Variants in FARP1 observed in about 807,000 individuals in gnomAD.
FARP1 encodes FERM, ARHGEF and pleckstrin domain-containing protein 1.
Under a neutral mutation model 128.8 loss-of-function variants are expected in FARP1, and 52 were observed. The observed-to-expected ratio is 0.40, with a 90% CI of 0.32 to 0.51. The LOEUF is 0.51. Ranked by LOEUF, FARP1 falls within the 20% of genes least tolerant of loss-of-function variation. FARP1 has a pLI of 0.45. For synonymous variants in FARP1, 580 were observed against 551.8 expected (o/e 1.05, Z -0.72); for missense variants, 1,333 against 1,367.9 (o/e 0.97, Z 0.40).
chr13:98,160,363 T>A (rs946074762), intron 1 of FARP1, among the ~76,000 whole-genome samples: 14 of 152,200 alleles, frequency 9.2e-5, no homozygotes, highest in African/African-American at 3.4e-4. Flanking sequence ...GCATTGCTAC[T>A]GGATGACTTG....
At chr13:98,244,549 T>G in intron 2 of FARP1, 3 of 1,614,194 alleles carry the variant, frequency 1.9e-6, no homozygotes, top group Admixed American at 1.7e-5. Flanking sequence ...GGTTGGGTAC[T>G]GAGATGCTCC....
chr13:98,433,115 A>G (rs1199213890), intron 18 of FARP1: 9 of 152,340 alleles, frequency 5.9e-5, no homozygotes, highest in Admixed American at 5.9e-4. Flanking sequence ...CGTGCAGGGC[A>G]CAGGGAGAGC....
chr13:98,224,969 G>T (rs963896334), intron 2 of FARP1, among the ~76,000 whole-genome samples: 2 of 152,180 alleles, frequency 1.3e-5, no homozygotes, highest in Admixed American at 6.5e-5. Flanking sequence ...GCTTCACATG[G>T]CAGGCATCAA....
At chr13:98,275,265 T>C (rs1279012350) in intron 2 of FARP1, among the ~76,000 whole-genome samples, 2 of 151,816 alleles carry the variant, frequency 1.3e-5, no homozygotes, top group African/African-American at 4.8e-5. Context: ...CACACTGAGC[T>C]ATTTATGCAT....
In FARP1 at chr13:98,440,832, T is replaced by G. The variant is rs1453702427; in HGVS notation, c.2792T>G (p.Val931Gly). ...SVSMVDFSIAVENQLSGNLLR... is the reference protein window; with the variant it reads ...SVSMVDFSIAGENQLSGNLLR... ...TCCATGGTGGACTTCAGCATCGCAG[T>G]GGAGGTACGCAGGGGCAGGGCAGCT... Residue 931 changes from valine (V) to glycine (G), a missense_variant, in exon 24 of 27, where the codon GTG becomes GGG. This residue lies in a region of FARP1 where 1,009 missense variants were observed against 969.8 expected (regional missense o/e 1.04). Coordinates refer to ENST00000319562, the MANE Select transcript of FARP1 (RefSeq NM_005766.4). The G allele has an allele frequency of 1.2e-6, 2 of 1,603,184 alleles. No individual in the cohort carries two copies. The highest frequency in any genetic ancestry group is 2.2e-5 in the South Asian group (2 of 89,782).
chr13:98,177,217 G>T, intron 1 of FARP1: 1 of 1,563,858 alleles, frequency 6.4e-7, no homozygotes. Context: ...CGTCCTTCCT[G>T]GAGAAGGTGG....
intron 2 of FARP1, among the ~76,000 whole-genome samples, chr13:98,217,455 C>T (rs375982955): frequency 6.6e-6 from 1 of 152,206 alleles, no homozygotes; most frequent in Non-Finnish European, 1.5e-5. Flanking sequence ...GCGTCTACGA[C>T]CGTCGTCGCA....
In FARP1 at chr13:98,446,779, C is replaced by T; in HGVS notation, c.3018C>T (p.Val1006=). 1 of 1,614,208 alleles carries T rather than the reference C, an allele frequency of 6.2e-7. No individual in the cohort carries two copies. The highest frequency in any genetic ancestry group is 8.5e-7 in the Non-Finnish European group (1 of 1,180,030). The part of the protein sequence containing the change: ...YVFKLHFKSH[V]YYFRAESEYT... Reference sequence around the variant, plus strand: ...TCAAGCTGCACTTCAAGTCCCACGTCTACTACTTCAGGGCGGAAAGCGAGT... The same window carrying T: ...TCAAGCTGCACTTCAAGTCCCACGTTTACTACTTCAGGGCGGAAAGCGAGT... The change falls in exon 26 of 27, where the codon GTC becomes GTT. Residue 1006 remains valine, a synonymous_variant. Coordinates refer to ENST00000319562, the MANE Select transcript of FARP1 (RefSeq NM_005766.4).
chr13:98,342,054 ATTGG>A (rs1887996151), intron 2 of FARP1, among the ~76,000 whole-genome samples: 1 of 152,198 alleles, frequency 6.6e-6, no homozygotes, highest in Non-Finnish European at 1.5e-5. Context: ...TTTCCACAAA[ATTGG>A]TTGGTCTTTA....
intron 2 of FARP1, among the ~76,000 whole-genome samples, chr13:98,242,260 G>A (rs935981102): frequency 1.3e-5 from 2 of 152,150 alleles, no homozygotes; most frequent in Admixed American, 1.3e-4. Context: ...GGGACCGTTA[G>A]TGTTTACTAC....
intron 1 of FARP1, among the ~76,000 whole-genome samples, chr13:98,152,210 G>C (rs1198326860): frequency 1.3e-5 from 2 of 152,158 alleles, no homozygotes; most frequent in Non-Finnish European, 2.9e-5. Flanking sequence ...TTTTGCACTT[G>C]GGCTTGTTGG....
chr13:98,165,710 G>GTTTTTTTTTTTTTTTTTTTTT (rs71111927), intron 1 of FARP1, among the ~76,000 whole-genome samples: 4 of 74,132 alleles, frequency 5.4e-5, no homozygotes, highest in Non-Finnish European at 9.4e-5. Flanking sequence ...TCCAGAAGGG[G>GTTTTTTTTTTTTTTTTTTTTT]TTTTTTTTTT....
chr13:98,423,394 TAGA>T (rs1430942686), intron 16 of FARP1, among the ~76,000 whole-genome samples: 1 of 152,204 alleles, frequency 6.6e-6, no homozygotes, highest in African/African-American at 2.4e-5. Context: ...CACTTCCTAT[TAGA>T]AGCCTAGTGC....
chr13:98,296,246 C>G (rs1235788771), intron 2 of FARP1, among the ~76,000 whole-genome samples: 1 of 152,186 alleles, frequency 6.6e-6, no homozygotes, highest in Non-Finnish European at 1.5e-5. Flanking sequence ...GGATTAGGCT[C>G]GTCACCTTCT....
intron 23 of FARP1, among the ~76,000 whole-genome samples, 189 bp from the exon 24 acceptor site, chr13:98,440,481 T>C (rs1892478939): frequency 6.6e-6 from 1 of 152,162 alleles, no homozygotes; most frequent in Admixed American, 6.5e-5. Context: ...TCAGGCTGTT[T>C]ACACACCCGG....
Position 98,448,026 on chromosome 13 carries a change from G to A in FARP1, c.3057-210G>A, listed in dbSNP as rs1892963658. 9 of 593,394 alleles carry A rather than the reference G, an allele frequency of 1.5e-5. No individual in the cohort carries two copies. In the South Asian group the frequency reaches 1.8e-4, roughly 12 times the overall value. The allele number at this position is 593,394 out of a possible 1,614,324, so 36.8% of individuals were successfully genotyped here. On this transcript the variant is annotated intron_variant, in intron 26 of 26. Coordinates refer to ENST00000319562, the MANE Select transcript of FARP1 (RefSeq NM_005766.4). ...GTGTCACTGCAGCAAGGTACTTCCA[G>A]CTCCACACTGAGTGAGTGCCCAGGC...
chr13:98,314,704 G>T (rs1886646850), intron 2 of FARP1, among the ~76,000 whole-genome samples: 1 of 152,182 alleles, frequency 6.6e-6, no homozygotes, highest in Non-Finnish European at 1.5e-5. Flanking sequence ...CAAATTAAAT[G>T]AAATCAGCCA....
intron 1 of FARP1, among the ~76,000 whole-genome samples, chr13:98,163,617 A>G (rs1304589592): frequency 2.0e-5 from 3 of 151,664 alleles, no homozygotes; most frequent in Non-Finnish European, 4.4e-5. Flanking sequence ...ACTCACTGCA[A>G]CCTCTGCCTC....
At chr13:98,247,249 A>G (rs752509106) in intron 2 of FARP1, among the ~76,000 whole-genome samples, 2 of 152,180 alleles carry the variant, frequency 1.3e-5, no homozygotes, top group Non-Finnish European at 2.9e-5. Flanking sequence ...CCAAAAAAAA[A>G]GTAGCTGTTC....
Sources: gnomAD v4.1 joint callset for allele counts (sites outside exome capture counted in the v4.1 genomes callset) on GRCh38, gnomAD v4.1.1 for gene constraint, gnomAD v4.1.1 regional missense constraint, MANE v1.5 for transcripts, NCBI Gene and HGNC (gene_info 2026-07-23, HGNC 2026-07-21) for gene names.